PSMF1: variants seen among roughly 807,000 people sequenced by gnomAD.
The protein encoded by PSMF1 is proteasome inhibitor PI31 subunit.
Under a neutral mutation model 29.3 loss-of-function variants are expected in PSMF1, and 30 were observed. That is an observed-to-expected ratio of 1.02 (90% CI 0.77 to 1.39). The LOEUF is 1.39. Among genes scored for constraint, PSMF1 ranks in the 40% most tolerant of loss-of-function variants. The pLI is 0.00. For synonymous variants in PSMF1, 134 were observed against 139.7 expected (o/e 0.96, Z 0.29); for missense variants, 344 against 357.5 (o/e 0.96, Z 0.31).
chr20:1,114,055 C>G (rs6032877), upstream of PSMF1, among the ~76,000 whole-genome samples: 1 of 152,118 alleles, frequency 6.6e-6, no homozygotes, highest in African/African-American at 2.4e-5. Flanking sequence ...CAGAGCAGAT[C>G]GCACTACAAC....
upstream of PSMF1, among the ~76,000 whole-genome samples, chr20:1,115,531 G>A (rs1227046695): frequency 6.6e-6 from 1 of 152,172 alleles, no homozygotes; most frequent in Non-Finnish European, 1.5e-5. Flanking sequence ...AAGGCTGATA[G>A]CTCTCACTGT....
chr20:1,133,569 A>ATATATATATATATATATATATATT, intron 3 of PSMF1, among the ~76,000 whole-genome samples: 140 of 53,226 alleles, frequency 2.6e-3, no homozygotes, highest in Non-Finnish European at 5.1e-3. Flanking sequence ...ATATATATAT[A>ATATATATATATATATATATATATT]TTTTTTTTTT....
At chr20:1,136,301 G>A (rs1196269147) in intron 4 of PSMF1, among the ~76,000 whole-genome samples, 3 of 152,180 alleles carry the variant, frequency 2.0e-5, no homozygotes, top group Non-Finnish European at 4.4e-5. Flanking sequence ...GCAGAGCCAG[G>A]GCTGGGGTCT....
At chr20:1,119,326 T>A (rs1317622071) in intron 1 of PSMF1, among the ~76,000 whole-genome samples, 1 of 152,112 alleles carries the variant, frequency 6.6e-6, no homozygotes, top group Non-Finnish European at 1.5e-5. Flanking sequence ...CATACCACAG[T>A]AGAGCCTCCA....
At chr20:1,123,071 C>T (rs970028627) in intron 1 of PSMF1, among the ~76,000 whole-genome samples, 3 of 152,170 alleles carry the variant, frequency 2.0e-5, no homozygotes, top group South Asian at 2.1e-4. Context: ...GTTTCTTTTT[C>T]GCAGAAGAAT....
chr20:1,126,536 A>G lies in PSMF1; in HGVS notation c.282+886A>G, dbSNP rs78414338. Among the ~76,000 whole-genome samples, 471 of 152,248 alleles carry G rather than the reference A, an allele frequency of 3.1e-3. 3 individuals are homozygous for G. The highest frequency in any genetic ancestry group is 0.011 in the African/African-American group (444 of 41,522). ...TCAGATAGGGTTCTTGGTTTCAAACAACAAAAACCTCTTGGGTTAGTTTAA... is the reference window on the plus strand; with the variant it reads ...TCAGATAGGGTTCTTGGTTTCAAACGACAAAAACCTCTTGGGTTAGTTTAA... On this transcript the variant is annotated intron_variant, in intron 2 of 6. Coordinates refer to ENST00000335877, the MANE Select transcript of PSMF1 (RefSeq NM_006814.5).
intron 1 of PSMF1, among the ~76,000 whole-genome samples, chr20:1,125,090 CTG>C (rs1350732525): frequency 6.6e-6 from 1 of 152,208 alleles, no homozygotes; most frequent in Non-Finnish European, 1.5e-5. Context: ...GTATTCGGAT[CTG>C]TGTTTTTAGT....
At chr20:1,143,097 A>G (rs948148542) in intron 4 of PSMF1, among the ~76,000 whole-genome samples, 6 of 152,246 alleles carry the variant, frequency 3.9e-5, no homozygotes, top group African/African-American at 1.4e-4. Flanking sequence ...ACACTATTTT[A>G]ATGCAATTCC....
At chr20:1,132,538 G>A (rs990017335) in intron 3 of PSMF1, among the ~76,000 whole-genome samples, 1 of 152,070 alleles carries the variant, frequency 6.6e-6, no homozygotes, top group Non-Finnish European at 1.5e-5. Context: ...GCCTCCCAAA[G>A]TGCTGGGATT....
intron 4 of PSMF1, among the ~76,000 whole-genome samples, chr20:1,147,320 G>T (rs1321334405): frequency 6.6e-6 from 1 of 152,138 alleles, no homozygotes. Flanking sequence ...CACTTTACAG[G>T]GGAAGAGACA....
chr20:1,164,983 T>C lies in PSMF1; in HGVS notation c.765-46T>C. The C allele has an allele frequency of 6.6e-7, 1 of 1,521,032 alleles. No homozygotes were observed. Among genetic ancestry groups the C allele is most frequent in the African/African-American group, 1.4e-5 (1 of 72,996 alleles). The allele number at this position is 1,521,032 out of a possible 1,614,324, so 94.2% of individuals were successfully genotyped here. A position where few individuals can be genotyped will look rare whatever the true frequency, so the allele number is the denominator to read the frequency against. Reference sequence around the variant, plus strand: ...AGGGTCATGTCTGCCCATGTTCCCCTGGTCTCTCCATCACTCCAACTCATC... The same window carrying C: ...AGGGTCATGTCTGCCCATGTTCCCCCGGTCTCTCCATCACTCCAACTCATC... On this transcript the variant is annotated intron_variant, in intron 6 of 6. Coordinates refer to ENST00000335877, the MANE Select transcript of PSMF1 (RefSeq NM_006814.5). This position sits in a 1 kb window ranked among gnomAD's most constrained non-coding sequence, Gnocchi z 4.1.
At position 1,118,890 on chromosome 20, in the gene PSMF1, T is replaced by C. The variant is rs1342317467; in HGVS notation, c.117T>C (p.Gly39=). 1 of 1,614,010 alleles carries C rather than the reference T, an allele frequency of 6.2e-7. No homozygotes were observed. Among genetic ancestry groups the C allele is most frequent in the South Asian group, 1.1e-5 (1 of 91,080 alleles). The change falls in exon 1 of 7, where the codon GGT becomes GGC. Residue 39 remains glycine, a synonymous_variant. Coordinates refer to ENST00000335877, the MANE Select transcript of PSMF1 (RefSeq NM_006814.5). ...EVVTHGYFGL[G]VGDQPGPNDK... is the part of the protein sequence containing the mutation. ...TGACACACGGTTACTTCGGCTTGGG[T>C]GTCGGTGACCAGGTACGCCACGGAG...
chr20:1,150,163 G>C (rs1020289035), intron 4 of PSMF1, among the ~76,000 whole-genome samples: 5 of 149,400 alleles, frequency 3.3e-5, no homozygotes, highest in Non-Finnish European at 5.9e-5. Context: ...CTGGGCAACA[G>C]AGCAAGACCC....
At chr20:1,133,571 T>TATATATATATATATATATATA (rs1568469077) in intron 3 of PSMF1, among the ~76,000 whole-genome samples, 8 of 44,104 alleles carry the variant, frequency 1.8e-4, no homozygotes, top group African/African-American at 5.8e-4. Flanking sequence ...ATATATATAT[T>TATATATATATATATATATATA]TTTTTTTTTT....
intron 4 of PSMF1, chr20:1,161,108 T>G (rs1471853613): frequency 2.2e-6 from 1 of 462,444 alleles, no homozygotes; most frequent in African/African-American, 2.0e-5. Context: ...ATCCTGCGTC[T>G]GGACCTGGCT....
Position 1,135,146 on chromosome 20 carries a change from C to G in PSMF1, c.391C>G (p.Arg131Gly), listed in dbSNP as rs369760576. The G allele has an allele frequency of 6.2e-7, 1 of 1,614,152 alleles. No homozygotes were observed. Among genetic ancestry groups the G allele is most frequent in the Non-Finnish European group, 8.5e-7 (1 of 1,180,018 alleles). Residue 131 changes from arginine to glycine, a missense_variant, in exon 4 of 7, where the codon CGG becomes GGG. Physicochemically the swap from Arg to Gly is moderately radical, Grantham distance 125 (BLOSUM62 -2). Transcript: ENST00000335877. ...HRTYKNSEELRSRIVSGIITP... is the reference protein window; with the variant it reads ...HRTYKNSEELGSRIVSGIITP... ...GACCTACAAGAACAGTGAGGAGCTTCGGTCTCGTATTGTGTCTGGAATCAT... is the reference window on the plus strand; with the variant it reads ...GACCTACAAGAACAGTGAGGAGCTTGGGTCTCGTATTGTGTCTGGAATCAT...
At chr20:1,137,112 G>A (rs1180238733) in intron 4 of PSMF1, among the ~76,000 whole-genome samples, 1 of 152,104 alleles carries the variant, frequency 6.6e-6, no homozygotes, top group African/African-American at 2.4e-5. Flanking sequence ...TGCCAAGAAC[G>A]CCCTCCAACT....
At position 1,165,551 on chromosome 20, in the gene PSMF1, T is replaced by TGAATGACTCTTTTTCCTGCCGGCTACA; in HGVS notation, c.*491_*492insGGCTACAGAATGACTCTTTTTCCTGCC. The TGAATGACTCTTTTTCCTGCCGGCTACA allele has an allele frequency of 2.0e-6, 2 of 997,460 alleles. No individual in the cohort carries two copies. The highest frequency in any genetic ancestry group is 2.4e-6 in the Non-Finnish European group (2 of 837,210). The allele number at this position is 997,460 out of a possible 1,614,324, so 61.8% of individuals were successfully genotyped here. On this transcript the variant is annotated 3_prime_UTR_variant, in exon 7 of 7. Transcript: ENST00000335877. ...TTTAGAGTTTGAGTTTCTGTAGGGC[T>TGAATGACTCTTTTTCCTGCCGGCTACA]GAATGACTCTTTTTCCTGCCCAGGG... is the stretch of plus-strand genomic sequence containing the variant.
In PSMF1 at chr20:1,170,920, G is replaced by A. The variant is rs1362529777; in HGVS notation, c.*5840G>A. The stretch of plus-strand genomic sequence containing the variant: ...ATGTAGTACCCCTGACAACCCCAAG[G>A]TAAACACAGCTAGTGGCATTAGTTG... On this transcript the variant is annotated 3_prime_UTR_variant, in exon 7 of 7. Coordinates refer to ENST00000335877, the MANE Select transcript of PSMF1 (RefSeq NM_006814.5). Among the ~76,000 whole-genome samples, 2 of 152,006 alleles carry A rather than the reference G, an allele frequency of 1.3e-5. No homozygotes were observed. The highest frequency in any genetic ancestry group is 6.6e-5 in the Admixed American group (1 of 15,264).
Sources: allele counts gnomAD v4.1 joint callset (sites outside exome capture counted in the v4.1 genomes callset), GRCh38; gene constraint gnomAD v4.1.1; non-coding constraint Gnocchi (gnomAD v3.1); transcripts MANE v1.5; gene names NCBI Gene and HGNC (gene_info 2026-07-23, HGNC 2026-07-21).